The following MSRA variants were observed in gnomAD, a reference collection of about 807,000 sequenced individuals.
MSRA encodes mitochondrial peptide methionine sulfoxide reductase.
In MSRA, 54 loss-of-function variants were observed where a neutral mutation model predicts 31.3. The observed-to-expected ratio is 1.73, with a 90% CI of 1.39 to 2.17. MSRA has a LOEUF of 2.17. Among genes scored for constraint, MSRA ranks in the 30% most tolerant of loss-of-function variants. MSRA has a pLI of 0.00. For missense variants in MSRA, 507 were observed against 300.9 expected, an observed-to-expected ratio of 1.69 and a Z score of -5.07; for synonymous variants, 169 against 116.5, an observed-to-expected ratio of 1.45 and a Z score of -2.90.
chr8:10,141,950 T>C (rs369105782), intron 1 of MSRA, among the ~76,000 whole-genome samples: 38 of 152,264 alleles, frequency 2.5e-4, no homozygotes, highest in African/African-American at 8.9e-4. Context: ...CTCCCAATTT[T>C]CAGGATTTTT....
At chr8:10,382,196 A>G (rs1229020126) in intron 5 of MSRA, among the ~76,000 whole-genome samples, 1 of 152,194 alleles carries the variant, frequency 6.6e-6, no homozygotes, top group East Asian at 1.9e-4. Context: ...TAGTTTCAGC[A>G]GATGAGGCTG....
chr8:10,349,655 G>A (rs559002438), intron 5 of MSRA, among the ~76,000 whole-genome samples: 6 of 152,300 alleles, frequency 3.9e-5, no homozygotes, highest in Admixed American at 6.5e-5. Context: ...TGTGGCCTTC[G>A]TCCCCTCTGT....
intron 1 of MSRA, among the ~76,000 whole-genome samples, chr8:10,078,373 C>T (rs982576659): frequency 3.9e-5 from 6 of 152,196 alleles, no homozygotes; most frequent in Admixed American, 6.5e-5. Context: ...CACATTCATG[C>T]GTGGAGCTCA....
At chr8:10,406,519 T>C (rs1807826904) in intron 5 of MSRA, among the ~76,000 whole-genome samples, 1 of 152,054 alleles carries the variant, frequency 6.6e-6, no homozygotes, top group African/African-American at 2.4e-5. Flanking sequence ...TGTTCAAGAA[T>C]AGGCAGGCTG....
chr8:10,348,424 C>G (rs973190318), intron 5 of MSRA, among the ~76,000 whole-genome samples: 6 of 114,162 alleles, frequency 5.3e-5, no homozygotes, highest in African/African-American at 2.0e-4. Context: ...GGCTGGAGTG[C>G]AGTGGCGTGA....
chr8:10,258,015 G>A (rs779249260), intron 3 of MSRA, among the ~76,000 whole-genome samples: 36 of 152,120 alleles, frequency 2.4e-4, no homozygotes, highest in Admixed American at 1.4e-3. Flanking sequence ...GGTTTTAGTC[G>A]TTTCCAAGTG....
intron 5 of MSRA, among the ~76,000 whole-genome samples, chr8:10,334,768 A>T (rs1330618023): frequency 2.3e-4 from 35 of 152,228 alleles, no homozygotes; most frequent in Admixed American, 2.3e-3. Context: ...CAGGAAAAAG[A>T]AAGAAAATAG....
chr8:10,236,830 G>A (rs1451866378), intron 2 of MSRA, among the ~76,000 whole-genome samples: 1 of 152,192 alleles, frequency 6.6e-6, no homozygotes, highest in African/African-American at 2.4e-5. Flanking sequence ...GCAGGCGTGA[G>A]CCACCATGTC....
intron 3 of MSRA, among the ~76,000 whole-genome samples, chr8:10,280,328 T>G (rs1799552821): frequency 6.6e-6 from 1 of 150,918 alleles, no homozygotes; most frequent in African/African-American, 2.4e-5. Context: ...TTTAACTTAT[T>G]TTGTTGATAT....
intron 1 of MSRA, among the ~76,000 whole-genome samples, chr8:10,116,233 C>G (rs1355466564): frequency 2.6e-5 from 4 of 152,340 alleles, no homozygotes; most frequent in Non-Finnish European, 4.4e-5. Context: ...AACCCATATT[C>G]ATAAACTTTT....
rs140067437 is a variant in MSRA at position 10,381,039 on chromosome 8, A to T, written c.544-47109A>T. ...TGGATAGAAAATGGATGGATGGATA[A>T]ATGATGGAAAGATGGATGGGTGGAG... On this transcript the variant is annotated intron_variant, in intron 5 of 5. Transcript: ENST00000317173. 8.6e-5 allele frequency among the ~76,000 whole-genome samples: 13 copies of T among 151,900 alleles called. No homozygotes were observed. In the East Asian group the frequency reaches 2.3e-3, roughly 27 times the overall value.
At chr8:10,423,518 G>C (rs910360310) in intron 5 of MSRA, among the ~76,000 whole-genome samples, 1 of 152,094 alleles carries the variant, frequency 6.6e-6, no homozygotes, top group Non-Finnish European at 1.5e-5. Flanking sequence ...GGGCGGGGAG[G>C]GGGGGTGGCA....
At chr8:10,304,886 G>A (rs1801044163) in intron 4 of MSRA, among the ~76,000 whole-genome samples, 1 of 152,178 alleles carries the variant, frequency 6.6e-6, no homozygotes, top group Admixed American at 6.5e-5. Context: ...TCCACTCCAG[G>A]TTCTTTTCAG....
Position 10,079,079 on chromosome 8 carries a change from G to A in MSRA, c.142+24421G>A, listed in dbSNP as rs149013394. 7.7e-3 allele frequency among the ~76,000 whole-genome samples: 1,169 copies of A among 152,226 alleles called. 8 individuals carry two copies. Among genetic ancestry groups the A allele is most frequent in the Admixed American group, 0.012 (177 of 15,302 alleles). On this transcript the variant is annotated intron_variant, in intron 1 of 5. Transcript: ENST00000317173. ...GTTCTGGGGACTGCTTCCCCATCCC[G>A]CAGAGTTTAGCGTTGCCCGCAGGCT...
chr8:10,187,297 G>GA (rs1213799024), intron 1 of MSRA, among the ~76,000 whole-genome samples: 5 of 152,160 alleles, frequency 3.3e-5, no homozygotes, highest in African/African-American at 4.8e-5. Flanking sequence ...CTCATTCTTG[G>GA]ATGTGTCCTG....
chr8:10,135,364 G>C (rs1802198696), intron 1 of MSRA, among the ~76,000 whole-genome samples: 1 of 152,212 alleles, frequency 6.6e-6, no homozygotes, highest in East Asian at 1.9e-4. Flanking sequence ...TGGCATGAGA[G>C]AGTTTTGCCA....
chr8:10,388,887 T>G (rs775458603), intron 5 of MSRA, among the ~76,000 whole-genome samples: 1 of 151,718 alleles, frequency 6.6e-6, no homozygotes, highest in Non-Finnish European at 1.5e-5. Context: ...GCTACCCTGG[T>G]TGTGGCAACT....
At chr8:10,232,420 A>G (rs1811568982) in intron 2 of MSRA, among the ~76,000 whole-genome samples, 1 of 152,192 alleles carries the variant, frequency 6.6e-6, no homozygotes, top group East Asian at 1.9e-4. Flanking sequence ...ACTAGTTAGT[A>G]GAACTTGCCC....
chr8:10,223,994 G>C (rs1441522765), intron 2 of MSRA, among the ~76,000 whole-genome samples: 2 of 152,168 alleles, frequency 1.3e-5, no homozygotes, highest in Non-Finnish European at 2.9e-5. Flanking sequence ...AATCTAACTA[G>C]TTCTGGGTCC....
Sources: allele counts gnomAD v4.1 joint callset (sites outside exome capture counted in the v4.1 genomes callset), GRCh38; gene constraint gnomAD v4.1.1; transcripts MANE v1.5; gene names NCBI Gene and HGNC (gene_info 2026-07-23, HGNC 2026-07-21).